Variants in FHIT observed in about 807,000 individuals in gnomAD.
FHIT encodes fragile histidine triad diadenosine triphosphatase, also known as bis(5'-adenosyl)-triphosphatase.
FHIT carries 19 observed loss-of-function variants against 17.9 expected under a neutral mutation model. The ratio of observed to expected loss-of-function variants is 1.06; its 90% CI spans 0.74 to 1.56. FHIT has a LOEUF of 1.56. FHIT is among the 40% of genes most tolerant of loss of function. The pLI is 0.00. For missense variants in FHIT, 248 were observed against 189.2 expected (o/e 1.31, Z -1.82); for synonymous variants, 81 against 69.7 (o/e 1.16, Z -0.81).
At chr3:59,947,361 C>T (rs1364089589) in intron 7 of FHIT, among the ~76,000 whole-genome samples, 4 of 151,950 alleles carry the variant, frequency 2.6e-5, no homozygotes, top group African/African-American at 9.7e-5. Flanking sequence ...GTGGTAATGT[C>T]CCCTTTGTCA....
intron 2 of FHIT, among the ~76,000 whole-genome samples, chr3:61,165,397 G>A (rs554847140): frequency 6.6e-6 from 1 of 152,164 alleles, no homozygotes; most frequent in South Asian, 2.1e-4. Flanking sequence ...TAGTGATGAT[G>A]AGCATTTTCT....
At chr3:59,916,748 G>C (rs1408305538) in intron 8 of FHIT, among the ~76,000 whole-genome samples, 2 of 152,100 alleles carry the variant, frequency 1.3e-5, no homozygotes, top group Non-Finnish European at 2.9e-5. Context: ...GAGCATTTGA[G>C]GTCATAGGTC....
At chr3:60,292,879 TAGTC>T (rs560196393) in intron 5 of FHIT, among the ~76,000 whole-genome samples, 3,178 of 152,094 alleles carry the variant, frequency 0.021, 39 homozygotes, top group Middle Eastern at 0.034. Flanking sequence ...AAATCCCTGA[TAGTC>T]AATTAAAAAA....
In FHIT at chr3:60,014,013, GGAAAAGGTGAGA is replaced by G. The variant is rs1700240919; in HGVS notation, c.231_242del (p.Leu78_Ser81del). ...GAGAAATCTGTACACTCACCTGCAT[GGAAAAGGTGAGA>G]GAGGTCCCATGGAAATGTTTTTCCA... On this transcript the variant is annotated inframe_deletion, in exon 6 of 10. Coordinates refer to ENST00000492590, the MANE Select transcript of FHIT (RefSeq NM_002012.4). 1 of 1,613,916 alleles carries G rather than the reference GGAAAAGGTGAGA, an allele frequency of 6.2e-7. No individual in the cohort carries two copies. Among genetic ancestry groups the G allele is most frequent in the Non-Finnish European group, 8.5e-7 (1 of 1,179,822 alleles).
At chr3:60,029,239 T>G (rs1392699604) in intron 5 of FHIT, among the ~76,000 whole-genome samples, 1 of 152,224 alleles carries the variant, frequency 6.6e-6, no homozygotes, top group African/African-American at 2.4e-5. Flanking sequence ...GTTTTCCCAT[T>G]GATTACTAAG....
At chr3:59,980,430 C>T (rs7640107) in intron 7 of FHIT, among the ~76,000 whole-genome samples, 53,557 of 152,086 alleles carry the variant, frequency 0.35, 10,583 homozygotes, top group East Asian at 0.53. Flanking sequence ...AGGTATAATG[C>T]CTCTGGCTTT....
chr3:61,166,181 A>C (rs1416021822), intron 2 of FHIT, among the ~76,000 whole-genome samples: 2 of 152,216 alleles, frequency 1.3e-5, no homozygotes, highest in African/African-American at 4.8e-5. Context: ...AGAATTTAAG[A>C]GGTTACACAA....
intron 8 of FHIT, among the ~76,000 whole-genome samples, chr3:59,762,868 A>G (rs933778548): frequency 2.0e-5 from 3 of 152,220 alleles, no homozygotes; most frequent in African/African-American, 7.2e-5. Flanking sequence ...AAAAGGGACT[A>G]GAGATCTCTG....
At chr3:60,562,285 T>C (rs192552292) in intron 4 of FHIT, among the ~76,000 whole-genome samples, 3 of 152,292 alleles carry the variant, frequency 2.0e-5, no homozygotes, top group Admixed American at 1.3e-4. Context: ...TATTCTCTGA[T>C]CCAGGGGGAA....
intron 5 of FHIT, among the ~76,000 whole-genome samples, chr3:60,244,665 G>C (rs1705302068): frequency 6.6e-6 from 1 of 152,048 alleles, no homozygotes; most frequent in Non-Finnish European, 1.5e-5. Flanking sequence ...TTAGGATCTT[G>C]AGTGTTCTGA....
At chr3:60,348,443 G>A (rs918526398) in intron 5 of FHIT, among the ~76,000 whole-genome samples, 1 of 150,202 alleles carries the variant, frequency 6.7e-6, no homozygotes, top group Admixed American at 6.6e-5. Context: ...TTATTTTTGG[G>A]TTTTTTTTTC....
At chr3:60,800,310 C>G (rs1701142483) in intron 4 of FHIT, among the ~76,000 whole-genome samples, 1 of 152,200 alleles carries the variant, frequency 6.6e-6, no homozygotes, top group African/African-American at 2.4e-5. Context: ...TTAGTATCAT[C>G]TTACGGTGCC....
Position 60,287,276 on chromosome 3 carries a change from C to T in FHIT, c.103+249584G>A, listed in dbSNP as rs549446141. Among the ~76,000 whole-genome samples, 150 of 152,280 alleles carry T rather than the reference C, an allele frequency of 9.9e-4. 1 individual carries two copies. The highest frequency in any genetic ancestry group is 3.5e-3 in the African/African-American group (144 of 41,570). On this transcript the variant is annotated intron_variant, in intron 5 of 9. Transcript: ENST00000492590. ...CTCTGCCTCCCAGGTTCAAGCAATT[C>T]TCCTGCCTCAGCCTCCCCAGTAGCT...
intron 3 of FHIT, among the ~76,000 whole-genome samples, chr3:60,955,669 T>G (rs1709118904): frequency 7.1e-6 from 1 of 140,248 alleles, no homozygotes; most frequent in Non-Finnish European, 1.5e-5. Flanking sequence ...ACAAATTTAT[T>G]TCAAAATGAT....
chr3:61,202,315 G>T (rs2039047397), intron 1 of FHIT, among the ~76,000 whole-genome samples: 1 of 150,924 alleles, frequency 6.6e-6, no homozygotes, highest in Non-Finnish European at 1.5e-5. Flanking sequence ...GAAGTGAGGA[G>T]CGCCTCTGCT....
intron 3 of FHIT, among the ~76,000 whole-genome samples, chr3:61,002,152 T>C (rs1575821147): frequency 1.3e-5 from 2 of 152,246 alleles, no homozygotes; most frequent in East Asian, 3.8e-4. Flanking sequence ...ATTTGAAATT[T>C]ATACTCAGCA....
chr3:60,088,954 A>C (rs1446683477), intron 5 of FHIT, among the ~76,000 whole-genome samples: 6 of 152,186 alleles, frequency 3.9e-5, no homozygotes, highest in African/African-American at 1.4e-4. Context: ...AACAATTTCA[A>C]GGGTATATGC....
intron 8 of FHIT, among the ~76,000 whole-genome samples, chr3:59,840,063 C>T (rs1332532574): frequency 6.6e-6 from 1 of 152,108 alleles, no homozygotes; most frequent in Non-Finnish European, 1.5e-5. Flanking sequence ...ACAGAAAAGC[C>T]ACAGGAGGAG....
chr3:60,188,211 T>TC (rs1218498700), intron 5 of FHIT, among the ~76,000 whole-genome samples: 1 of 145,460 alleles, frequency 6.9e-6, no homozygotes, highest in Non-Finnish European at 1.5e-5. Context: ...TTCTTTCTTT[T>TC]TTTTTTTTTT....
Sources: gnomAD v4.1 joint callset for allele counts (sites outside exome capture counted in the v4.1 genomes callset) on GRCh38, gnomAD v4.1.1 for gene constraint, MANE v1.5 for transcripts, NCBI Gene and HGNC (gene_info 2026-07-23, HGNC 2026-07-21) for gene names.